IMMP1L: variants seen among roughly 807,000 people sequenced by gnomAD.
The protein encoded by IMMP1L is mitochondrial inner membrane protease subunit 1.
A neutral mutation model predicts 21.8 loss-of-function variants in IMMP1L; 24 were observed. The ratio of observed to expected loss-of-function variants is 1.10; its 90% CI spans 0.80 to 1.55. IMMP1L has a LOEUF of 1.55. Ranked by LOEUF, IMMP1L falls within the 40% of genes most tolerant of loss-of-function variation. IMMP1L has a pLI of 0.00. For missense variants in IMMP1L, 195 were observed against 200.7 expected, an observed-to-expected ratio of 0.97 and a Z score of 0.17; for synonymous variants, 46 against 62.8, an observed-to-expected ratio of 0.73 and a Z score of 1.26.
intron 2 of IMMP1L, 73 bp from the exon 3 acceptor site, chr11:31,460,787 TTAAAAGAAAG>T: frequency 9.3e-7 from 1 of 1,075,014 alleles, no homozygotes; most frequent in African/African-American, 1.6e-5. Context: ...TTAAGCAAGC[TTAAAAGAAAG>T]AAAATCAAGC....
chr11:31,452,312 T>C lies in IMMP1L; in HGVS notation c.321+3948A>G, dbSNP rs910812134. On this transcript the variant is annotated intron_variant, in intron 4 of 5. Transcript: ENST00000532287. ...AGTCCTGGATTATCACACAATATTA[T>C]ACTAATAAACATTATGAGTGCTTTT... The C allele has an allele frequency of 4.3e-5, 42 of 982,258 alleles. 1 individual carries two copies. Among genetic ancestry groups the C allele is most frequent in the Middle Eastern group, 5.2e-4 (1 of 1,928 alleles). 60.8% of individuals were successfully genotyped at this position (982,258 alleles called of 1,614,324 possible).
chr11:31,450,681 C>T (rs573241459), intron 4 of IMMP1L, among the ~76,000 whole-genome samples: 19 of 152,222 alleles, frequency 1.2e-4, no homozygotes, highest in African/African-American at 4.1e-4. Flanking sequence ...AGAATGACCA[C>T]AGATTGGGCA....
intron 1 of IMMP1L, among the ~76,000 whole-genome samples, chr11:31,476,450 T>C (rs545174384): frequency 6.6e-6 from 1 of 152,174 alleles, no homozygotes; most frequent in East Asian, 1.9e-4. Flanking sequence ...GAATAAAAGA[T>C]ACTACACATA....
intron 1 of IMMP1L, among the ~76,000 whole-genome samples, chr11:31,474,110 T>A (rs2133721980): frequency 6.6e-6 from 1 of 152,316 alleles, no homozygotes; most frequent in East Asian, 1.9e-4. Flanking sequence ...TACCTTCATT[T>A]GGGCAAGAAA....
intron 1 of IMMP1L, chr11:31,473,820 A>G: frequency 9.5e-6 from 8 of 842,654 alleles, no homozygotes; most frequent in Middle Eastern, 6.0e-4. Context: ...TTTCAGAAAC[A>G]GGAAAAATAT....
intron 4 of IMMP1L, among the ~76,000 whole-genome samples, chr11:31,443,864 T>C (rs997945845): frequency 2.0e-5 from 3 of 152,272 alleles, no homozygotes; most frequent in South Asian, 2.1e-4. Flanking sequence ...ACCTATAGCA[T>C]TGGGGTTTGA....
At chr11:31,438,526 C>A (rs1953201329) in intron 4 of IMMP1L, among the ~76,000 whole-genome samples, 1 of 152,048 alleles carries the variant, frequency 6.6e-6, no homozygotes, top group Non-Finnish European at 1.5e-5. Context: ...AGGTCCAATT[C>A]ATACTTTTTT....
intron 1 of IMMP1L, among the ~76,000 whole-genome samples, chr11:31,501,790 C>CAAAT (rs55861509): frequency 0.05 from 6,942 of 139,610 alleles, 268 homozygotes; most frequent in African/African-American, 0.11. Context: ...CCCATCTCTA[C>CAAAT]AAATAAATAA....
At chr11:31,452,216 CAT>C in intron 4 of IMMP1L, 1 of 984,718 alleles carries the variant, frequency 1.0e-6, no homozygotes, top group Non-Finnish European at 1.2e-6. Context: ...GATTTTACAA[CAT>C]GTTTGTTGAT....
At chr11:31,440,396 CTTT>C (rs528274355) in intron 4 of IMMP1L, among the ~76,000 whole-genome samples, 2 of 152,024 alleles carry the variant, frequency 1.3e-5, no homozygotes, top group African/African-American at 2.4e-5. Context: ...TTAAAAAAAA[CTTT>C]TTTTTCTTTG....
chr11:31,509,410 A>C, intron 1 of IMMP1L, 109 bp downstream of exon 1: 17 of 211,010 alleles, frequency 8.1e-5, no homozygotes, highest in East Asian at 2.0e-4. Flanking sequence ...GAAAGGTGCT[A>C]GCAATTGCTT....
Position 31,509,558 on chromosome 11 carries a change from A to G in IMMP1L, c.-69T>C. 1.7e-6 allele frequency: 1 copy of G among 580,070 alleles called. No individual in the cohort carries two copies. The highest frequency in any genetic ancestry group is 2.1e-5 in the South Asian group (1 of 48,584). The allele number at this position is 580,070 out of a possible 1,614,324, so 35.9% of individuals were successfully genotyped here. A position where few individuals can be genotyped will look rare whatever the true frequency, so the allele number is the denominator to read the frequency against. On this transcript the variant is annotated 5_prime_UTR_variant, in exon 1 of 6. Transcript: ENST00000532287. ...AACCCTGGAGACCCTCAACCAGGAC[A>G]CAGGTGGGCCTTTCTCACCTGGGCC...
intron 4 of IMMP1L, among the ~76,000 whole-genome samples, chr11:31,439,245 T>A (rs935968149): frequency 6.6e-6 from 1 of 152,124 alleles, no homozygotes; most frequent in African/African-American, 2.4e-5. Flanking sequence ...TTCATGTTAA[T>A]CTGCTTGACC....
chr11:31,476,608 T>C (rs1328887066), intron 1 of IMMP1L, among the ~76,000 whole-genome samples: 5 of 152,004 alleles, frequency 3.3e-5, no homozygotes, highest in South Asian at 2.1e-4. Context: ...GGCTGTATAA[T>C]TTATTTTTTA....
At position 31,486,758 on chromosome 11, in the gene IMMP1L, AACT is replaced by A. The variant is rs1229067390; in HGVS notation, c.-30+22758_-30+22760del. On this transcript the variant is annotated intron_variant, in intron 1 of 5. Transcript: ENST00000532287. ...ATAATAACAAAAATGAATGAAATAA[AACT>A]ACACATAACTACATGGATAACTCTT... Among the ~76,000 whole-genome samples, 6 of 151,940 alleles carry A rather than the reference AACT, an allele frequency of 3.9e-5. No homozygotes were observed. The East Asian group carries it at 9.6e-4, about 24-fold the overall frequency.
chr11:31,455,880 A>G (rs1223066), intron 4 of IMMP1L, among the ~76,000 whole-genome samples: 42 of 152,108 alleles, frequency 2.8e-4, no homozygotes, highest in African/African-American at 9.7e-4. Context: ...TGTTATGATG[A>G]TGAAGATAAC....
intron 1 of IMMP1L, among the ~76,000 whole-genome samples, chr11:31,507,898 C>T (rs1433556786): frequency 1.3e-5 from 2 of 151,986 alleles, no homozygotes; most frequent in African/African-American, 4.8e-5. Context: ...TTAACGATTC[C>T]GGAATGTACA....
chr11:31,499,831 C>T (rs1219038759), intron 1 of IMMP1L, among the ~76,000 whole-genome samples: 1 of 151,930 alleles, frequency 6.6e-6, no homozygotes, highest in Non-Finnish European at 1.5e-5. Flanking sequence ...TGTATGCCCA[C>T]CCCTAGCCAA....
chr11:31,438,900 A>C (rs929420665), intron 4 of IMMP1L, among the ~76,000 whole-genome samples: 2 of 152,188 alleles, frequency 1.3e-5, no homozygotes, highest in Non-Finnish European at 2.9e-5. Flanking sequence ...AAGGTAAGAA[A>C]GGAAAGAATT....
Sources: allele counts gnomAD v4.1 joint callset (sites outside exome capture counted in the v4.1 genomes callset), GRCh38; gene constraint gnomAD v4.1.1; transcripts MANE v1.5; gene names NCBI Gene and HGNC (gene_info 2026-07-23, HGNC 2026-07-21).